AOC3: variants seen among roughly 807,000 people sequenced by gnomAD.
The protein encoded by AOC3 is amine oxidase copper containing 3, also known as amine oxidase [copper-containing] 3.
Under a neutral mutation model 55.4 loss-of-function variants are expected in AOC3, and 47 were observed. The ratio of observed to expected loss-of-function variants is 0.85; its 90% CI spans 0.67 to 1.08. The LOEUF is 1.08. AOC3 is among the 50% of genes least tolerant of loss of function. AOC3 has a pLI of 0.00. For missense variants in AOC3, 853 were observed against 993.1 expected, an observed-to-expected ratio of 0.86 and a Z score of 1.90; for synonymous variants, 386 against 410.7, an observed-to-expected ratio of 0.94 and a Z score of 0.73.
In AOC3 at chr17:42,852,764, T is replaced by C; in HGVS notation, c.1421T>C (p.Val474Ala). Residue 474 changes from valine (V) to alanine (A), a missense_variant, in exon 1 of 4, where the codon GTG becomes GCG. By Grantham distance (64) the Val-to-Ala change is moderately conservative. Transcript: ENST00000308423. ...SMSTLLNYDY[V>A]WDTVFHPSGA... ...TCCACCTTGCTCAACTATGACTATG[T>C]GTGGGATACGGTCTTCCACCCCAGT... The C allele has an allele frequency of 6.2e-7, 1 of 1,614,148 alleles. No homozygotes were observed. Among genetic ancestry groups the C allele is most frequent in the East Asian group, 2.2e-5 (1 of 44,878 alleles).
chr17:42,851,273 GC>G lies in AOC3; in HGVS notation c.-66del, dbSNP rs918260845. The G allele has an allele frequency of 2.0e-6, 3 of 1,494,976 alleles. No homozygotes were observed. The highest frequency in any genetic ancestry group is 2.3e-5 in the East Asian group (1 of 43,234). 92.6% of individuals were successfully genotyped at this position (1,494,976 alleles called of 1,614,324 possible). A position where few individuals can be genotyped will look rare whatever the true frequency, so the allele number is the denominator to read the frequency against. On this transcript the variant is annotated 5_prime_UTR_variant, in exon 1 of 4. Coordinates refer to ENST00000308423, the MANE Select transcript of AOC3 (RefSeq NM_003734.4). ...CCCACCCCGTCCAGGAGCCAACAGA[GC>G]CCCCGTCTTGCTGGCGTGAGAATAC...
At position 42,858,122 on chromosome 17, in the gene AOC3, A is replaced by G. The variant is rs2144314091; in HGVS notation, c.*1572A>G. 1 of 152,348 alleles carries G rather than the reference A, an allele frequency of 6.6e-6. No individual in the cohort carries two copies. Among genetic ancestry groups the G allele is most frequent in the Admixed American group, 6.5e-5 (1 of 15,278 alleles). 9.4% of individuals were successfully genotyped at this position (152,348 alleles called of 1,614,324 possible). On this transcript the variant is annotated 3_prime_UTR_variant, in exon 4 of 4. Transcript: ENST00000308423. Reference sequence around the variant, plus strand: ...TTCAAAATAAACAATAAATGGGCCCAAACAGGAATTGACTTTTTTTTTTTA... The same window carrying G: ...TTCAAAATAAACAATAAATGGGCCCGAACAGGAATTGACTTTTTTTTTTTA...
rs1372951511 is a variant in AOC3 at position 42,855,523 on chromosome 17, C to G, written c.1966C>G (p.Pro656Ala). The change falls in exon 3 of 4, where the codon CCC becomes GCC. Residue 656 changes from proline (P) to alanine (A), a missense_variant. Transcript: ENST00000308423. ...TTTCAATCAGAATGACCCTTGGGCCCCCACTGTGGATTTCAGTGACTTCAT... is the reference window on the plus strand; with the variant it reads ...TTTCAATCAGAATGACCCTTGGGCCGCCACTGTGGATTTCAGTGACTTCAT... ...SVFNQNDPWA[P>A]TVDFSDFINN... 2 of 1,614,038 alleles carry G rather than the reference C, an allele frequency of 1.2e-6. No individual in the cohort carries two copies. Among genetic ancestry groups the G allele is most frequent in the East Asian group, 4.5e-5 (2 of 44,874 alleles).
intron 2 of AOC3, 106 bp downstream of exon 2, chr17:42,854,839 G>A (rs1597969886): frequency 1.8e-6 from 2 of 1,124,010 alleles, no homozygotes; most frequent in East Asian, 3.2e-5. Flanking sequence ...TCTCAGGAAG[G>A]CTTTTCTTTT....
chr17:42,852,171 G>A lies in AOC3; in HGVS notation c.828G>A (p.Gln276=), dbSNP rs2055679709. 1.2e-6 allele frequency: 2 copies of A among 1,613,948 alleles called. No individual in the cohort carries two copies. Among genetic ancestry groups the A allele is most frequent in the Non-Finnish European group, 1.7e-6 (2 of 1,179,856 alleles). ...GCCGCTACTACGACAGCCTGGCCCA[G>A]CTGGAGGCCCAGTTTGAGGCCGGCC... The part of the protein sequence containing the change: ...YQGRYYDSLA[Q]LEAQFEAGLV... Residue 276 remains glutamine, a synonymous_variant, in exon 1 of 4, where the codon CAG becomes CAA. Transcript: ENST00000308423.
Position 42,851,245 on chromosome 17 carries a change from C to T in AOC3, c.-99C>T, listed in dbSNP as rs1264299724. The T allele has an allele frequency of 8.8e-6, 12 of 1,370,220 alleles. No individual in the cohort carries two copies. Among genetic ancestry groups the T allele is most frequent in the East Asian group, 4.7e-5 (2 of 42,640 alleles). 84.9% of individuals were successfully genotyped at this position (1,370,220 alleles called of 1,614,324 possible). ...GGGAACCTCAGCCAGAGTCCGGGAG[C>T]CCCCCACCCCGTCCAGGAGCCAACA... is the stretch of plus-strand genomic sequence containing the variant. On this transcript the variant is annotated 5_prime_UTR_variant, in exon 1 of 4. Coordinates refer to ENST00000308423, the MANE Select transcript of AOC3 (RefSeq NM_003734.4).
Position 42,852,382 on chromosome 17 carries a change from C to T in AOC3, c.1039C>T (p.Pro347Ser), listed in dbSNP as rs1450362363. The T allele has an allele frequency of 1.2e-6, 2 of 1,614,126 alleles. No individual in the cohort carries two copies. The highest frequency in any genetic ancestry group is 1.1e-5 in the South Asian group (1 of 91,076). Residue 347 changes from proline to serine, a missense_variant, in exon 1 of 4, where the codon CCA (proline) becomes TCA (serine). By Grantham distance (74) the Pro-to-Ser change is moderately conservative. Transcript: ENST00000308423. Reference sequence around the variant, plus strand: ...CTTTGGCCTCGGAGCATTCAGTGGCCCAAGGATCTTTGACGTTCGCTTCCA... The same window carrying T: ...CTTTGGCCTCGGAGCATTCAGTGGCTCAAGGATCTTTGACGTTCGCTTCCA... ...FSFGLGAFSG[P>S]RIFDVRFQGE...
chr17:42,851,363 T>G lies in AOC3; in HGVS notation c.20T>G (p.Leu7Arg), dbSNP rs1291439470. ...GGGAAAATGAACCAGAAGACAATCCTCGTGCTCCTCATTCTGGCCGTCATC... is the reference window on the plus strand; with the variant it reads ...GGGAAAATGAACCAGAAGACAATCCGCGTGCTCCTCATTCTGGCCGTCATC... Reference protein sequence around the residue: MNQKTILVLLILAVITI... With the variant: MNQKTIRVLLILAVITI... Residue 7 changes from leucine (L) to arginine (R), a missense_variant, in exon 1 of 4, where the codon CTC (leucine) becomes CGC (arginine). Physicochemically the swap from Leu to Arg is moderately radical, Grantham distance 102 (BLOSUM62 -2). Coordinates refer to ENST00000308423, the MANE Select transcript of AOC3 (RefSeq NM_003734.4). The G allele has an allele frequency of 6.2e-7, 1 of 1,605,486 alleles. No individual in the cohort carries two copies. Among genetic ancestry groups the G allele is most frequent in the Non-Finnish European group, 8.5e-7 (1 of 1,175,102 alleles).
At position 42,858,099 on chromosome 17, in the gene AOC3, C is replaced by G. The variant is rs552818223; in HGVS notation, c.*1549C>G. ...GAACCATGTGACTGTATTACCTATT[C>G]AAAATAAACAATAAATGGGCCCAAA... On this transcript the variant is annotated 3_prime_UTR_variant, in exon 4 of 4. Transcript: ENST00000308423. The G allele has an allele frequency of 8.7e-5, 13 of 150,282 alleles. No homozygotes were observed. The highest frequency in any genetic ancestry group is 2.9e-4 in the African/African-American group (12 of 40,808). 9.3% of individuals were successfully genotyped at this position (150,282 alleles called of 1,614,324 possible). A position where few individuals can be genotyped will look rare whatever the true frequency, so the allele number is the denominator to read the frequency against.
rs775361075 is a variant in AOC3, at chr17:42,852,573, C to T, written c.1230C>T (p.Tyr410=). ...TGGACTGCCCCTACTTGGCCACCTA[C>T]GTGGACTGGCACTTCCTTTTGGAGT... ...RGVDCPYLAT[Y]VDWHFLLESQ... Residue 410 remains tyrosine (Y), a synonymous_variant, in exon 1 of 4, where the codon TAC becomes TAT. Coordinates refer to ENST00000308423, the MANE Select transcript of AOC3 (RefSeq NM_003734.4). 25 of 1,614,108 alleles carry T rather than the reference C, an allele frequency of 1.5e-5. No homozygotes were observed. In the African/African-American group the frequency reaches 1.7e-4, roughly 11 times the overall value.
rs375193959 is a variant in AOC3, at chr17:42,852,919, T to C, written c.1576T>C (p.Phe526Leu). Residue 526 changes from phenylalanine to leucine, a missense_variant, in exon 1 of 4, where the codon TTC becomes CTC. Transcript: ENST00000308423. ...CACGGTCCACACCCACAGCGCCCAC[T>C]TCAAGGTGGATCTGGATGTAGCAGG... Reference protein sequence around the residue: ...LGTVHTHSAHFKVDLDVAGLE... With the variant: ...LGTVHTHSAHLKVDLDVAGLE... 5.0e-6 allele frequency: 8 copies of C among 1,605,186 alleles called. No homozygotes were observed. The highest frequency in any genetic ancestry group is 2.7e-5 in the African/African-American group (2 of 74,754).
In AOC3 at chr17:42,852,120, G is replaced by A. The variant is rs2055678623; in HGVS notation, c.777G>A (p.Trp259Ter). 1 of 1,613,782 alleles carries A rather than the reference G, an allele frequency of 6.2e-7. No individual in the cohort carries two copies. Among genetic ancestry groups the A allele is most frequent in the Non-Finnish European group, 8.5e-7 (1 of 1,179,872 alleles). The change falls in exon 1 of 4, where the codon TGG becomes TGA. Residue 259 changes from tryptophan (W) to a stop codon, truncating the protein, a stop_gained. Transcript: ENST00000308423. LOFTEE classifies it high-confidence loss of function. The part of the protein sequence containing the change: ...VNHKALDPAR[W>*]TIQKVFYQGR... ...ACAAGGCCCTTGACCCTGCCCGCTGGACTATCCAGAAGGTGTTCTATCAAG... is the reference window on the plus strand; with the variant it reads ...ACAAGGCCCTTGACCCTGCCCGCTGAACTATCCAGAAGGTGTTCTATCAAG...
At position 42,856,332 on chromosome 17, in the gene AOC3, C is replaced by G. The variant is rs141603690; in HGVS notation, c.2074C>G (p.Pro692Ala). The change falls in exon 4 of 4, where the codon CCT becomes GCT. Residue 692 changes from proline (P) to alanine (A), a missense_variant. By Grantham distance (27) the Pro-to-Ala change is conservative. Coordinates refer to ENST00000308423, the MANE Select transcript of AOC3 (RefSeq NM_003734.4). ...FLHIPHAEDI[P>A]NTVTVGNGVG... ...GCATATCCCACATGCAGAGGACATTCCTAACACAGTGACTGTGGGGAACGG... is the reference window on the plus strand; with the variant it reads ...GCATATCCCACATGCAGAGGACATTGCTAACACAGTGACTGTGGGGAACGG... 1.2e-6 allele frequency: 2 copies of G among 1,614,078 alleles called. No individual in the cohort carries two copies. The highest frequency in any genetic ancestry group is 2.7e-5 in the African/African-American group (2 of 74,914).
chr17:42,851,816 A>C lies in AOC3; in HGVS notation c.473A>C (p.Glu158Ala). Residue 158 changes from glutamate (E) to alanine (A), a missense_variant, in exon 1 of 4, where the codon GAG (glutamate) becomes GCG (alanine). Transcript: ENST00000308423. ...HPSYMRDVTV[E>A]RHGGPLPYHR... ...TCCTACATGCGGGACGTGACTGTGG[A>C]GCGTCATGGAGGCCCCCTGCCCTAT... is the stretch of plus-strand genomic sequence containing the variant. The C allele has an allele frequency of 6.2e-7, 1 of 1,613,480 alleles. No homozygotes were observed. Among genetic ancestry groups the C allele is most frequent in the Non-Finnish European group, 8.5e-7 (1 of 1,179,994 alleles).
At position 42,851,855 on chromosome 17, in the gene AOC3, T is replaced by C; in HGVS notation, c.512T>C (p.Val171Ala). The C allele has an allele frequency of 6.2e-7, 1 of 1,613,634 alleles. No homozygotes were observed. The highest frequency in any genetic ancestry group is 1.3e-5 in the African/African-American group (1 of 75,046). ...GGPLPYHRRPVLFQEYLDIDQ... is the reference protein window; with the variant it reads ...GGPLPYHRRPALFQEYLDIDQ... ...CCCCTGCCCTATCACCGACGCCCCG[T>C]GCTGTTCCAAGAGTACCTGGACATA... The change falls in exon 1 of 4, where the codon GTG becomes GCG. Residue 171 changes from valine to alanine, a missense_variant. Coordinates refer to ENST00000308423, the MANE Select transcript of AOC3 (RefSeq NM_003734.4).
chr17:42,851,273 G>T lies in AOC3; in HGVS notation c.-71G>T. Reference sequence around the variant, plus strand: ...CCCACCCCGTCCAGGAGCCAACAGAGCCCCCGTCTTGCTGGCGTGAGAATA... The same window carrying T: ...CCCACCCCGTCCAGGAGCCAACAGATCCCCCGTCTTGCTGGCGTGAGAATA... On this transcript the variant is annotated 5_prime_UTR_variant, in exon 1 of 4. Coordinates refer to ENST00000308423, the MANE Select transcript of AOC3 (RefSeq NM_003734.4). 6.7e-7 allele frequency: 1 copy of T among 1,494,976 alleles called. No homozygotes were observed. The highest frequency in any genetic ancestry group is 2.1e-5 in the Admixed American group (1 of 48,206). The allele number at this position is 1,494,976 out of a possible 1,614,324, so 92.6% of individuals were successfully genotyped here. A position where few individuals can be genotyped will look rare whatever the true frequency, so the allele number is the denominator to read the frequency against.
chr17:42,852,790 G>A lies in AOC3; in HGVS notation c.1447G>A (p.Gly483Arg), dbSNP rs528557006. The A allele has an allele frequency of 6.8e-6, 11 of 1,614,034 alleles. No homozygotes were observed. In the African/African-American group the frequency reaches 9.3e-5, roughly 14 times the overall value. ...GTGGGATACGGTCTTCCACCCCAGTGGGGCCATAGAAATACGATTCTATGC... is the reference window on the plus strand; with the variant it reads ...GTGGGATACGGTCTTCCACCCCAGTAGGGCCATAGAAATACGATTCTATGC... ...YVWDTVFHPS[G>R]AIEIRFYATG... Residue 483 changes from glycine to arginine, a missense_variant, in exon 1 of 4, where the codon GGG (glycine) becomes AGG (arginine). Coordinates refer to ENST00000308423, the MANE Select transcript of AOC3 (RefSeq NM_003734.4).
rs2055669636 is a variant in AOC3, at chr17:42,851,760, T to C, written c.417T>C (p.Ser139=). 6.2e-7 allele frequency: 1 copy of C among 1,611,510 alleles called. No homozygotes were observed. Among genetic ancestry groups the C allele is most frequent in the Non-Finnish European group, 8.5e-7 (1 of 1,178,572 alleles). ...FFGRQPQPNV[S]ELVVGPLPHP... ...GCAGGCAACCCCAGCCCAACGTGAGTGAGCTGGTGGTGGGGCCACTGCCTC... is the reference window on the plus strand; with the variant it reads ...GCAGGCAACCCCAGCCCAACGTGAGCGAGCTGGTGGTGGGGCCACTGCCTC... Residue 139 remains serine, a synonymous_variant, in exon 1 of 4, where the codon AGT becomes AGC. Transcript: ENST00000308423.
At position 42,852,420 on chromosome 17, in the gene AOC3, A is replaced by G. The variant is rs2055684515; in HGVS notation, c.1077A>G (p.Leu359=). Residue 359 remains leucine (L), a synonymous_variant, in exon 1 of 4, where the codon CTA becomes CTG. Coordinates refer to ENST00000308423, the MANE Select transcript of AOC3 (RefSeq NM_003734.4). ...ACGTTCGCTTCCAAGGAGAAAGACT[A>G]GTTTATGAGATAAGCCTCCAAGAGG... ...IFDVRFQGER[L]VYEISLQEAL... The G allele has an allele frequency of 6.2e-7, 1 of 1,614,174 alleles. No individual in the cohort carries two copies. Among genetic ancestry groups the G allele is most frequent in the South Asian group, 1.1e-5 (1 of 91,082 alleles).
Sources: allele counts gnomAD v4.1 joint callset, GRCh38; gene constraint gnomAD v4.1.1; transcripts MANE v1.5; gene names NCBI Gene and HGNC (gene_info 2026-07-23, HGNC 2026-07-21).